Variants in ZFAND3 observed in about 807,000 individuals in gnomAD.
ZFAND3 encodes AN1-type zinc finger protein 3.
ZFAND3 carries 10 observed loss-of-function variants against 29.6 expected under a neutral mutation model. That is an observed-to-expected ratio of 0.34 (90% confidence interval 0.21 to 0.57). The LOEUF (loss-of-function observed/expected upper bound fraction) is 0.57. Ranked by LOEUF, ZFAND3 falls within the 20% of genes least tolerant of loss-of-function variation. The probability of loss-of-function intolerance (pLI) is 0.86; values close to 1 mark genes in which losing one functional copy is unlikely to be tolerated. For synonymous variants in ZFAND3, 128 were observed against 112.6 expected (o/e 1.14, Z -0.87); for missense variants, 230 against 304.5 (o/e 0.76, Z 1.82).
intron 2 of ZFAND3, among the ~76,000 whole-genome samples, chr6:37,992,925 C>G (rs183730752): frequency 6.0e-4 from 91 of 152,230 alleles, no homozygotes; most frequent in Non-Finnish European, 1.1e-3. Context: ...GGTTTCCTCA[C>G]AATTCACTTT....
intron 1 of ZFAND3, among the ~76,000 whole-genome samples, chr6:37,863,269 A>C (rs764472442): frequency 6.6e-6 from 1 of 152,234 alleles, no homozygotes; most frequent in Non-Finnish European, 1.5e-5. Flanking sequence ...ATTCCACATC[A>C]AGTGGTCACA....
chr6:38,130,621 C>T (rs1765724245), intron 5 of ZFAND3, among the ~76,000 whole-genome samples: 1 of 152,056 alleles, frequency 6.6e-6, no homozygotes, highest in Non-Finnish European at 1.5e-5. Context: ...CATTTATTGA[C>T]TTGAGTATGT....
chr6:38,135,512 A>G (rs1765822132), intron 5 of ZFAND3, among the ~76,000 whole-genome samples: 1 of 152,366 alleles, frequency 6.6e-6, no homozygotes, highest in East Asian at 1.9e-4. Context: ...TGGGAGGCCA[A>G]GGCGGGTGGA....
At chr6:38,113,584 A>G (rs1041904070) in intron 4 of ZFAND3, among the ~76,000 whole-genome samples, 8 of 152,200 alleles carry the variant, frequency 5.3e-5, no homozygotes, top group African/African-American at 1.9e-4. Flanking sequence ...CAGGCCTCCT[A>G]ACTTTGCAGG....
In ZFAND3 at chr6:37,984,263, CCAATTCTTA is replaced by C. The variant is rs60557820; in HGVS notation, c.112+54270_112+54278del. On this transcript the variant is annotated intron_variant, in intron 2 of 5. Coordinates refer to ENST00000287218, the MANE Select transcript of ZFAND3 (RefSeq NM_021943.3). ...TCAAAAGTATAAAGGTCATGAAATG[CCAATTCTTA>C]CAATTAGTTAGAACTGCTGAGAAAG... is the stretch of plus-strand genomic sequence containing the variant. Among the ~76,000 whole-genome samples the C allele has an allele frequency of 0.017, 2,562 of 152,216 alleles. 244 individuals carry two copies. In the East Asian group the frequency reaches 0.28, roughly 16 times the overall value.
chr6:38,144,219 A>ATAT (rs1766049370), intron 5 of ZFAND3, among the ~76,000 whole-genome samples: 1 of 27,986 alleles, frequency 3.6e-5, no homozygotes, highest in African/African-American at 3.0e-4. Context: ...ATAATATATA[A>ATAT]TATATATATA....
chr6:38,118,783 A>C (rs1363947570), intron 5 of ZFAND3, among the ~76,000 whole-genome samples: 1 of 151,550 alleles, frequency 6.6e-6, no homozygotes, highest in Non-Finnish European at 1.5e-5. Flanking sequence ...AAAAACAGTA[A>C]TATATGTTAG....
intron 1 of ZFAND3, among the ~76,000 whole-genome samples, chr6:37,901,468 G>A (rs1218675803): frequency 3.3e-5 from 5 of 152,018 alleles, no homozygotes; most frequent in Non-Finnish European, 5.9e-5. Flanking sequence ...AAAAATTAGC[G>A]AGACGTGGTG....
intron 1 of ZFAND3, among the ~76,000 whole-genome samples, chr6:37,875,061 A>G (rs1561918994): frequency 6.6e-6 from 1 of 152,206 alleles, no homozygotes; most frequent in Non-Finnish European, 1.5e-5. Flanking sequence ...TTTCAAATAC[A>G]CCAGAAGAAC....
chr6:37,882,043 T>C (rs1282775497), intron 1 of ZFAND3, among the ~76,000 whole-genome samples: 2 of 152,174 alleles, frequency 1.3e-5, no homozygotes, highest in East Asian at 3.9e-4. Flanking sequence ...GTGTCCAATG[T>C]TGAATTTTCC....
chr6:37,976,584 CAAAAAAAAAA>C (rs35783371), intron 2 of ZFAND3, among the ~76,000 whole-genome samples: 7 of 76,908 alleles, frequency 9.1e-5, no homozygotes, highest in Non-Finnish European at 1.4e-4. Flanking sequence ...ACACTGTCTC[CAAAAAAAAAA>C]AAAAAAAAAA....
chr6:37,820,332 C>T (rs1202908035), intron 1 of ZFAND3, among the ~76,000 whole-genome samples: 3 of 152,194 alleles, frequency 2.0e-5, no homozygotes, highest in African/African-American at 7.2e-5. Flanking sequence ...CGGCGTTGAC[C>T]GCTCCGGGAG....
chr6:38,052,195 A>G (rs1018962913), intron 2 of ZFAND3, among the ~76,000 whole-genome samples: 7 of 152,182 alleles, frequency 4.6e-5, no homozygotes, highest in Non-Finnish European at 1.0e-4. Context: ...TGTTACCTGT[A>G]TTTGCCTCTC....
At chr6:37,910,457 AT>A (rs964546583) in intron 1 of ZFAND3, among the ~76,000 whole-genome samples, 11 of 152,186 alleles carry the variant, frequency 7.2e-5, no homozygotes, top group Admixed American at 3.9e-4. Context: ...TTTAAAAAAA[AT>A]ATTTTAATTA....
intron 2 of ZFAND3, among the ~76,000 whole-genome samples, chr6:38,029,940 C>A (rs888908253): frequency 6.6e-6 from 1 of 151,322 alleles, no homozygotes; most frequent in East Asian, 1.9e-4. Flanking sequence ...TTAAATTATT[C>A]TGTATTTAGT....
intron 2 of ZFAND3, among the ~76,000 whole-genome samples, chr6:37,960,516 T>G (rs966759078): frequency 6.6e-6 from 1 of 152,210 alleles, no homozygotes; most frequent in African/African-American, 2.4e-5. Context: ...ACTGCTCACT[T>G]TCCATGAATT....
At chr6:37,863,142 G>A (rs565209870) in intron 1 of ZFAND3, among the ~76,000 whole-genome samples, 71 of 152,240 alleles carry the variant, frequency 4.7e-4, no homozygotes, top group Non-Finnish European at 9.1e-4. Context: ...AACTCCAATA[G>A]GAGAATGCTC....
Position 38,047,324 on chromosome 6 carries a change from A to G in ZFAND3, c.113-14269A>G, listed in dbSNP as rs574042784. ...AGGGAGACTCTGTCTCAAAAAAAAA[A>G]AAAAGAAAAGAAATATTACTTCTTT... On this transcript the variant is annotated intron_variant, in intron 2 of 5. Coordinates refer to ENST00000287218, the MANE Select transcript of ZFAND3 (RefSeq NM_021943.3). Among the ~76,000 whole-genome samples the G allele has an allele frequency of 5.3e-5, 8 of 151,168 alleles. No individual in the cohort carries two copies. The East Asian group carries it at 1.2e-3, about 22-fold the overall frequency.
intron 1 of ZFAND3, 130 bp downstream of exon 1, chr6:37,820,146 G>T: frequency 3.6e-6 from 2 of 559,952 alleles, no homozygotes; most frequent in Non-Finnish European, 5.1e-6. Flanking sequence ...CTACGGGGAG[G>T]GGGTGGGGGT....
Sources: allele counts gnomAD v4.1 joint callset (sites outside exome capture counted in the v4.1 genomes callset), GRCh38; gene constraint gnomAD v4.1.1; transcripts MANE v1.5; gene names NCBI Gene and HGNC (gene_info 2026-07-23, HGNC 2026-07-21).